Variants in DYM observed in about 807,000 individuals in gnomAD.
The protein encoded by DYM is dyggve-Melchior-Clausen syndrome protein.
A neutral mutation model predicts 93.1 loss-of-function variants in DYM; 78 were observed. The observed-to-expected ratio is 0.84, with a 90% CI of 0.70 to 1.01. DYM has a LOEUF of 1.01. Ranked by LOEUF, DYM falls within the 50% of genes least tolerant of loss-of-function variation. The pLI is 0.00. For synonymous variants in DYM, 321 were observed against 319.7 expected, an observed-to-expected ratio of 1.00 and a Z score of -0.04; for missense variants, 789 against 845.0, an observed-to-expected ratio of 0.93 and a Z score of 0.82.
chr18:49,304,100 AT>A (rs1406243211), intron 8 of DYM, among the ~76,000 whole-genome samples: 1 of 152,216 alleles, frequency 6.6e-6, no homozygotes, highest in Non-Finnish European at 1.5e-5. Flanking sequence ...TTTTTCAATT[AT>A]AAGTTTCTAT....
chr18:49,165,816 T>C (rs1408362741), intron 14 of DYM, among the ~76,000 whole-genome samples: 1 of 152,144 alleles, frequency 6.6e-6, no homozygotes, highest in African/African-American at 2.4e-5. Context: ...TGAAATGAAA[T>C]ACTCCAGTGA....
At chr18:49,092,402 T>C (rs750321244) in intron 17 of DYM, among the ~76,000 whole-genome samples, 21 of 152,210 alleles carry the variant, frequency 1.4e-4, no homozygotes, top group Non-Finnish European at 2.2e-4. Context: ...TGACTAGTTC[T>C]TCCCAGCAGT....
At chr18:49,108,947 T>TA (rs879492395) in intron 16 of DYM, among the ~76,000 whole-genome samples, 8 of 152,334 alleles carry the variant, frequency 5.3e-5, no homozygotes, top group Non-Finnish European at 8.8e-5. Flanking sequence ...TCTTTATCAT[T>TA]ACATGGAGTC....
rs183250757 is a variant in DYM, at chr18:49,115,141, T to A, written c.1911+3603A>T. 2.1e-4 allele frequency among the ~76,000 whole-genome samples: 32 copies of A among 152,388 alleles called. No individual in the cohort carries two copies. In the East Asian group the frequency reaches 5.2e-3, roughly 25 times the overall value. ...GAAATATACCTCATGGTTTATTTTT[T>A]AATGAGGATTAAGTAAGTTATTGCA... On this transcript the variant is annotated intron_variant, in intron 16 of 17. Coordinates refer to ENST00000675505, the MANE Select transcript of DYM (RefSeq NM_001353214.3).
chr18:49,167,985 A>T (rs571255050), intron 14 of DYM, among the ~76,000 whole-genome samples: 8 of 152,128 alleles, frequency 5.3e-5, no homozygotes, highest in Non-Finnish European at 1.2e-4. Context: ...ATGTATGAAT[A>T]TGAATAAATC....
chr18:49,355,239 G>A (rs2065442664), intron 6 of DYM, among the ~76,000 whole-genome samples: 1 of 151,638 alleles, frequency 6.6e-6, no homozygotes, highest in Admixed American at 6.6e-5. Context: ...ATTGATAGAT[G>A]TATCTATCAA....
At chr18:49,275,919 A>G (rs2094837623) in intron 10 of DYM, among the ~76,000 whole-genome samples, 1 of 152,204 alleles carries the variant, frequency 6.6e-6, no homozygotes, top group African/African-American at 2.4e-5. Context: ...ATACTGATCC[A>G]GTATCCTGCA....
At chr18:49,410,177 C>T (rs1389358850) in intron 2 of DYM, among the ~76,000 whole-genome samples, 1 of 152,060 alleles carries the variant, frequency 6.6e-6, no homozygotes, top group Non-Finnish European at 1.5e-5. Flanking sequence ...GCAATCCTCC[C>T]ACCTCAGCCT....
chr18:49,333,878 ACAGT>A (rs1301030958), intron 6 of DYM, 25 bp from the exon 7 acceptor site: 2 of 1,595,906 alleles, frequency 1.3e-6, no homozygotes, highest in Non-Finnish European at 1.7e-6. Context: ...AAACAGAGTA[ACAGT>A]CACTTTGGAA....
At chr18:49,300,380 C>T (rs549301407) in intron 8 of DYM, among the ~76,000 whole-genome samples, 2 of 151,918 alleles carry the variant, frequency 1.3e-5, no homozygotes, top group Admixed American at 6.6e-5. Context: ...TGGGCCGGTT[C>T]CCTGAGCTCA....
intron 11 of DYM, among the ~76,000 whole-genome samples, chr18:49,263,171 T>G (rs1005546872): frequency 8.6e-5 from 13 of 151,640 alleles, no homozygotes; most frequent in Non-Finnish European, 1.5e-4. Flanking sequence ...CAGGCTGGAG[T>G]GCAATGGCAC....
At chr18:49,182,057 G>A (rs1007030952) in intron 14 of DYM, among the ~76,000 whole-genome samples, 1 of 152,008 alleles carries the variant, frequency 6.6e-6, no homozygotes, top group African/African-American at 2.4e-5. Flanking sequence ...TTTGATTCAT[G>A]GATTATTTAG....
In DYM at chr18:49,071,359, T is replaced by C. The variant is rs917682228; in HGVS notation, c.2025+26043A>G. On this transcript the variant is annotated intron_variant, in intron 17 of 17. Transcript: ENST00000675505. ...TTAAACTGAATGGAGAAAAATAAGA[T>C]AACCCCTGACAAAAAGTAACCACTT... Among the ~76,000 whole-genome samples, 5 of 152,342 alleles carry C rather than the reference T, an allele frequency of 3.3e-5. No homozygotes were observed. In the East Asian group the frequency reaches 7.7e-4, roughly 23 times the overall value.
At position 49,391,592 on chromosome 18, in the gene DYM, C is replaced by T. The variant is rs771504474; in HGVS notation, c.193+1G>A. Reference sequence around the variant, plus strand: ...ACCCCACACACATTTTTCCCACTTACCTAATGACCTGCAGACTGAAATGGT... The same window carrying T: ...ACCCCACACACATTTTTCCCACTTATCTAATGACCTGCAGACTGAAATGGT... On this transcript the variant is annotated splice_donor_variant, in intron 3 of 17. Coordinates refer to ENST00000675505, the MANE Select transcript of DYM (RefSeq NM_001353214.3). LOFTEE classifies it high-confidence loss of function. 2 of 1,613,286 alleles carry T rather than the reference C, an allele frequency of 1.2e-6. No individual in the cohort carries two copies. The highest frequency in any genetic ancestry group is 2.7e-5 in the African/African-American group (2 of 74,886).
At position 49,246,775 on chromosome 18, in the gene DYM, G is replaced by T. The variant is rs530401284; in HGVS notation, c.1460+10235C>A. Among the ~76,000 whole-genome samples, 10 of 152,252 alleles carry T rather than the reference G, an allele frequency of 6.6e-5. No homozygotes were observed. The East Asian group carries it at 1.5e-3, about 24-fold the overall frequency. On this transcript the variant is annotated intron_variant, in intron 13 of 17. Coordinates refer to ENST00000675505, the MANE Select transcript of DYM (RefSeq NM_001353214.3). ...TATGACACATGTACAAAGCAAAGAG[G>T]AATGAGGCCATTCCATCCTTTGCTT...
intron 17 of DYM, among the ~76,000 whole-genome samples, chr18:49,094,709 G>A (rs1344370693): frequency 6.6e-6 from 1 of 152,144 alleles, no homozygotes; most frequent in Admixed American, 6.5e-5. Flanking sequence ...ATTTTATTTG[G>A]TTGGAAGTCA....
chr18:49,405,919 T>C (rs190074219), intron 2 of DYM, among the ~76,000 whole-genome samples: 3 of 152,320 alleles, frequency 2.0e-5, no homozygotes, highest in African/African-American at 7.2e-5. Flanking sequence ...GTTTTATTGT[T>C]CTCCTTATAG....
At position 49,220,166 on chromosome 18, in the gene DYM, A is replaced by G. The variant is rs908118024; in HGVS notation, c.1461-10451T>C. On this transcript the variant is annotated intron_variant, in intron 13 of 17. Transcript: ENST00000675505. ...ACTCCCATTCACAATTGCTTCAAAG[A>G]GAATAAAATATCTAGGAATCCAACT... Among the ~76,000 whole-genome samples, 611 of 152,312 alleles carry G rather than the reference A, an allele frequency of 4.0e-3. 1 individual carries two copies. Among genetic ancestry groups the G allele is most frequent in the Non-Finnish European group, 5.3e-3 (360 of 68,024 alleles).
intron 12 of DYM, among the ~76,000 whole-genome samples, chr18:49,257,514 G>A (rs1317196900): frequency 6.6e-6 from 1 of 152,052 alleles, no homozygotes; most frequent in Non-Finnish European, 1.5e-5. Flanking sequence ...ACATGAATGT[G>A]TATCTGCAAT....
Sources: gnomAD v4.1 joint callset for allele counts (sites outside exome capture counted in the v4.1 genomes callset) on GRCh38, gnomAD v4.1.1 for gene constraint, MANE v1.5 for transcripts, NCBI Gene and HGNC (gene_info 2026-07-23, HGNC 2026-07-21) for gene names.